PPFIA4: variants seen among roughly 807,000 people sequenced by gnomAD.
PPFIA4 encodes the protein liprin-alpha-4.
PPFIA4 carries 98 observed loss-of-function variants against 145.7 expected under a neutral mutation model. That is an observed-to-expected ratio of 0.67 (90% CI 0.57 to 0.80). The LOEUF is 0.80. Ranked by LOEUF, PPFIA4 falls within the 30% of genes least tolerant of loss-of-function variation. The pLI is 0.00. For missense variants in PPFIA4, 1,457 were observed against 1,632.7 expected (o/e 0.89, Z 1.85); for synonymous variants, 628 against 649.6 (o/e 0.97, Z 0.51).
intron 24 of PPFIA4, among the ~76,000 whole-genome samples, chr1:203,062,719 T>TAGC (rs1356504626): frequency 6.6e-6 from 1 of 152,064 alleles, no homozygotes; most frequent in East Asian, 1.9e-4. Context: ...AGAATGCAGA[T>TAGC]CCTAAAAGAT....
At chr1:203,072,075 C>A (rs1662212163) in intron 28 of PPFIA4, among the ~76,000 whole-genome samples, 1 of 152,174 alleles carries the variant, frequency 6.6e-6, no homozygotes, top group Non-Finnish European at 1.5e-5. Flanking sequence ...AGATTTTCCC[C>A]AAAGGCCATA....
intron 1 of PPFIA4, among the ~76,000 whole-genome samples, 195 bp downstream of exon 1, chr1:203,026,824 C>T (rs1287770655): frequency 1.3e-5 from 2 of 152,216 alleles, no homozygotes; most frequent in Non-Finnish European, 2.9e-5. Flanking sequence ...GCCCTGTGCC[C>T]TTGGGGGTGA....
intron 1 of PPFIA4, chr1:203,035,128 T>C (rs1390188446): frequency 2.8e-6 from 1 of 356,202 alleles, no homozygotes; most frequent in Non-Finnish European, 5.6e-6. Context: ...TTTCTTCAGA[T>C]CCTCCTCTCA....
chr1:203,038,884 GC>G lies in PPFIA4; in HGVS notation c.-122del. 1 of 611,768 alleles carries G rather than the reference GC, an allele frequency of 1.6e-6. No homozygotes were observed. 37.9% of individuals were successfully genotyped at this position (611,768 alleles called of 1,614,324 possible). On this transcript the variant is annotated 5_prime_UTR_variant, in exon 2 of 30. An upstream open reading frame in the 5' UTR loses its in-frame stop. Coordinates refer to ENST00000295706, the MANE Select transcript of PPFIA4 (RefSeq NM_001304331.2). Reference sequence around the variant, plus strand: ...AACTGATGCTATGGGAGAAGCCCCTGCCCACCTGTCCACTCGCCTGGCACTG... The same window carrying G: ...AACTGATGCTATGGGAGAAGCCCCTGCCACCTGTCCACTCGCCTGGCACTG...
chr1:203,045,242 G>T, intron 6 of PPFIA4, 126 bp from the exon 7 acceptor site: 1 of 818,136 alleles, frequency 1.2e-6, no homozygotes. Flanking sequence ...GAGGAGTGCT[G>T]TGATGTTGGG....
chr1:203,044,340 G>T, intron 4 of PPFIA4, 39 bp from the exon 5 acceptor site: 1 of 1,538,100 alleles, frequency 6.5e-7, no homozygotes, highest in Non-Finnish European at 8.8e-7. Context: ...CTCAAGTGGG[G>T]TCCCCCTTTC....
At chr1:203,069,689 T>C (rs1661995949) in intron 27 of PPFIA4, among the ~76,000 whole-genome samples, 1 of 151,914 alleles carries the variant, frequency 6.6e-6, no homozygotes, top group South Asian at 2.1e-4. Context: ...TTCTGGGCAG[T>C]GTGTTGGCCT....
intron 1 of PPFIA4, among the ~76,000 whole-genome samples, chr1:203,032,258 C>A (rs1658892030): frequency 6.6e-6 from 1 of 152,020 alleles, no homozygotes; most frequent in South Asian, 2.1e-4. Flanking sequence ...ACCTCTTCAC[C>A]CTCCTTTTGG....
chr1:203,044,595 A>G lies in PPFIA4; in HGVS notation c.577-101A>G, dbSNP rs957234201. On this transcript the variant is annotated intron_variant, in intron 5 of 29. Transcript: ENST00000295706. ...AAGGCTAGGCTGAGCACCTCTTTCT[A>G]GGAGACATTTTTTAACTAAGACAGG... is the stretch of plus-strand genomic sequence containing the variant. The G allele has an allele frequency of 8.6e-6, 12 of 1,398,620 alleles. No individual in the cohort carries two copies. The Admixed American group carries it at 2.3e-4, about 27-fold the overall frequency. 86.6% of individuals were successfully genotyped at this position (1,398,620 alleles called of 1,614,324 possible).
chr1:203,055,987 C>T lies in PPFIA4; in HGVS notation c.2071-133C>T, dbSNP rs1355949044. 4.6e-5 allele frequency: 38 copies of T among 832,478 alleles called. No homozygotes were observed. The highest frequency in any genetic ancestry group is 3.7e-4 in the African/African-American group (21 of 56,288). 51.6% of individuals were successfully genotyped at this position (832,478 alleles called of 1,614,324 possible). The stretch of plus-strand genomic sequence containing the variant: ...GGCCAGCTTTTTTTTTTTTTTCTGG[C>T]GTGATATTCTCTCCGGGCCTGTGTG... On this transcript the variant is annotated intron_variant, in intron 16 of 29. Transcript: ENST00000295706. This position sits in a 1 kb window ranked among gnomAD's most constrained non-coding sequence, Gnocchi z 4.8.
At chr1:203,044,122 A>T in intron 4 of PPFIA4, 27 bp downstream of exon 4, 1 of 1,551,836 alleles carries the variant, frequency 6.4e-7, no homozygotes, top group South Asian at 1.2e-5. Flanking sequence ...CAGCCCCCAC[A>T]TCCAGCCAGG....
chr1:203,051,677 T>C (rs989105686), intron 13 of PPFIA4, 92 bp from the exon 14 acceptor site: 2 of 1,514,130 alleles, frequency 1.3e-6, no homozygotes, highest in African/African-American at 1.4e-5. Flanking sequence ...TTCTCTGAGC[T>C]GAAGATCCCT....
Position 203,055,570 on chromosome 1 carries a change from G to T in PPFIA4, c.1968G>T (p.Leu656=). 1 of 1,613,978 alleles carries T rather than the reference G, an allele frequency of 6.2e-7. No homozygotes were observed. The highest frequency in any genetic ancestry group is 8.5e-7 in the Non-Finnish European group (1 of 1,179,870). The change falls in exon 16 of 30, where the codon CTG becomes CTT. Residue 656 remains leucine (L), a synonymous_variant. Coordinates refer to ENST00000295706, the MANE Select transcript of PPFIA4 (RefSeq NM_001304331.2). This position sits in a 1 kb window ranked among gnomAD's most constrained non-coding sequence, Gnocchi z 4.8. ...RGSIPTSLTA[L]SLASASPPLS... is the part of the protein sequence containing the mutation. ...CCATCCCCACCTCTCTGACGGCCCT[G>T]TCCCTGGCCAGCGCGTCCCCACCAC...
Position 203,044,737 on chromosome 1 carries a change from G to A in PPFIA4, c.618G>A (p.Ala206=), listed in dbSNP as rs757998957. ...LQQGAGVRDG[A]AEEEGTVELG... Reference sequence around the variant, plus strand: ...AGGGGGCAGGGGTGCGGGATGGAGCGGCAGAAGAGGAGGGGACTGTGGAGC... The same window carrying A: ...AGGGGGCAGGGGTGCGGGATGGAGCAGCAGAAGAGGAGGGGACTGTGGAGC... Residue 206 remains alanine, a synonymous_variant, in exon 6 of 30, where the codon GCG becomes GCA. Transcript: ENST00000295706. 26 of 1,565,464 alleles carry A rather than the reference G, an allele frequency of 1.7e-5. No homozygotes were observed. The highest frequency in any genetic ancestry group is 5.7e-5 in the Admixed American group (3 of 52,356).
In PPFIA4 at chr1:203,052,046, C is replaced by CCG. The variant is rs1553257050; in HGVS notation, c.1620+170_1620+171insGC. 1.4e-4 allele frequency among the ~76,000 whole-genome samples: 4 copies of CCG among 29,472 alleles called. No homozygotes were observed. In the East Asian group the frequency reaches 4.4e-3, roughly 32 times the overall value. The allele number at this position is 29,472 out of a possible 152,430, so 19.3% of individuals were successfully genotyped here. On this transcript the variant is annotated intron_variant, in intron 14 of 29. Transcript: ENST00000295706. ...GCCATCGTCAGCTGCAACAGCTGTG[C>CCG]CCCCCCCCCCGCTTGCCTTGGCCTC...
At chr1:203,046,413 C>G (rs1476282346) in intron 9 of PPFIA4, 31 bp downstream of exon 9, 1 of 1,566,518 alleles carries the variant, frequency 6.4e-7, no homozygotes, top group Non-Finnish European at 8.6e-7. Context: ...GGATCTGCCT[C>G]TGTCCCCCAT....
intron 1 of PPFIA4, chr1:203,034,565 A>G (rs530707350): frequency 4.6e-5 from 21 of 456,042 alleles, no homozygotes; most frequent in South Asian, 3.1e-4. Flanking sequence ...AGTGGGGGGA[A>G]CTCAGGGAAG....
At chr1:203,059,651 C>A in intron 20 of PPFIA4, 119 bp from the exon 21 acceptor site, 1 of 797,582 alleles carries the variant, frequency 1.3e-6, no homozygotes, top group Admixed American at 2.0e-5. Context: ...CAGAGGAAGT[C>A]CAGGGTGGGG....
rs1662600213 is a variant in PPFIA4, at chr1:203,077,126, G to A, written c.*736G>A. 6.6e-6 allele frequency: 1 copy of A among 152,322 alleles called. No individual in the cohort carries two copies. The highest frequency in any genetic ancestry group is 2.4e-5 in the African/African-American group (1 of 41,440). The allele number at this position is 152,322 out of a possible 1,614,324, so 9.4% of individuals were successfully genotyped here. A position where few individuals can be genotyped will look rare whatever the true frequency, so the allele number is the denominator to read the frequency against. On this transcript the variant is annotated 3_prime_UTR_variant, in exon 30 of 30. Transcript: ENST00000295706. ...AGCTCTGAGCCAAGGGTGAGGATGG[G>A]GAAACTCTAAGCTCCCACCTAATAA...
Sources: gnomAD v4.1 joint callset for allele counts (sites outside exome capture counted in the v4.1 genomes callset) on GRCh38, gnomAD v4.1.1 for gene constraint, Gnocchi (gnomAD v3.1) non-coding constraint, MANE v1.5 for transcripts, NCBI Gene and HGNC (gene_info 2026-07-23, HGNC 2026-07-21) for gene names.